Variants in RBPMS observed in about 807,000 individuals in gnomAD.
The protein encoded by RBPMS is RNA binding protein, mRNA processing factor, also known as RNA-binding protein with multiple splicing.
In RBPMS, 7 loss-of-function variants were observed where a neutral mutation model predicts 26.8. The observed-to-expected ratio is 0.26, with a 90% CI of 0.15 to 0.49. The LOEUF (loss-of-function observed/expected upper bound fraction) is 0.49, where lower values mean the gene tolerates loss of function less well. RBPMS is among the 20% of genes least tolerant of loss of function. RBPMS has a pLI of 0.98. For synonymous variants in RBPMS, 96 were observed against 93.3 expected, an observed-to-expected ratio of 1.03 and a Z score of -0.17; for missense variants, 186 against 250.0, an observed-to-expected ratio of 0.74 and a Z score of 1.73.
At chr8:30,535,625 C>A (rs753074711) in intron 5 of RBPMS, among the ~76,000 whole-genome samples, 3 of 152,164 alleles carry the variant, frequency 2.0e-5, no homozygotes, top group Non-Finnish European at 2.9e-5. Flanking sequence ...TAGGGTGTCA[C>A]TATGTTTGCC....
chr8:30,423,494 G>A (rs1236269395), intron 1 of RBPMS, among the ~76,000 whole-genome samples: 2 of 152,178 alleles, frequency 1.3e-5, no homozygotes, highest in Non-Finnish European at 2.9e-5. Context: ...TCTCTAGTAT[G>A]GGCGGGGCTT....
At chr8:30,570,362 G>T (rs1460120468) in intron 8 of RBPMS, among the ~76,000 whole-genome samples, 1 of 152,176 alleles carries the variant, frequency 6.6e-6, no homozygotes, top group East Asian at 1.9e-4. Flanking sequence ...GGCAGGAAAA[G>T]GAGTGACTGA....
intron 8 of RBPMS, among the ~76,000 whole-genome samples, chr8:30,567,758 G>A (rs540092990): frequency 2.0e-5 from 3 of 152,338 alleles, no homozygotes; most frequent in East Asian, 1.9e-4. Flanking sequence ...TTTGGGTCAC[G>A]GTCCTGGGGG....
chr8:30,559,903 AGT>A (rs1827306253), intron 7 of RBPMS, among the ~76,000 whole-genome samples: 1 of 152,194 alleles, frequency 6.6e-6, no homozygotes, highest in Non-Finnish European at 1.5e-5. Context: ...AAACTAAACT[AGT>A]GTTCTTTTCT....
At chr8:30,424,397 C>T (rs531764889) in intron 1 of RBPMS, among the ~76,000 whole-genome samples, 2 of 152,288 alleles carry the variant, frequency 1.3e-5, no homozygotes, top group South Asian at 4.1e-4. Flanking sequence ...AAGTTGCTAT[C>T]ATTGTTATAA....
chr8:30,441,175 G>T (rs1813034083), intron 1 of RBPMS, among the ~76,000 whole-genome samples: 1 of 152,118 alleles, frequency 6.6e-6, no homozygotes, highest in South Asian at 2.1e-4. Flanking sequence ...CCGTAATGAT[G>T]AAATAACTTT....
rs147965662 is a variant in RBPMS at position 30,390,355 on chromosome 8, C to T, written c.66+5197C>T. On this transcript the variant is annotated intron_variant, in intron 1 of 8. Transcript: ENST00000397323. The stretch of plus-strand genomic sequence containing the variant: ...TATTAGTATTTCTCTTACTCATTCC[C>T]TTATCTTGATTGTGTTAGTGATCTT... Among the ~76,000 whole-genome samples the T allele has an allele frequency of 3.2e-4, 48 of 152,270 alleles. 3 individuals carry two copies. The highest frequency in any genetic ancestry group is 1.1e-3 in the African/African-American group (46 of 41,540).
chr8:30,496,316 C>T (rs1207207363), intron 4 of RBPMS, among the ~76,000 whole-genome samples: 1 of 152,036 alleles, frequency 6.6e-6, no homozygotes, highest in African/African-American at 2.4e-5. Context: ...CTACAGGCGT[C>T]CGCCACCACG....
chr8:30,556,393 G>A, intron 6 of RBPMS: 2 of 985,822 alleles, frequency 2.0e-6, no homozygotes, highest in Non-Finnish European at 2.4e-6. Context: ...AGAACGTGAG[G>A]GCTGTGTGCG....
chr8:30,520,822 A>T (rs953222025), intron 5 of RBPMS, among the ~76,000 whole-genome samples: 1 of 152,112 alleles, frequency 6.6e-6, no homozygotes, highest in African/African-American at 2.4e-5. Context: ...TTAGAAAGGA[A>T]ATAGATTTTT....
intron 1 of RBPMS, among the ~76,000 whole-genome samples, chr8:30,444,142 G>A (rs1057273350): frequency 6.9e-5 from 10 of 145,046 alleles, no homozygotes; most frequent in African/African-American, 1.0e-4. Flanking sequence ...GTGATCCTCC[G>A]GCCTTGGCCT....
At chr8:30,442,629 C>T (rs1432247312) in intron 1 of RBPMS, 1 of 152,450 alleles carries the variant, frequency 6.6e-6, no homozygotes, top group Non-Finnish European at 1.5e-5. Context: ...TTGCCTTCGT[C>T]TGGCTGAGCC....
In RBPMS at chr8:30,571,562, ATGTT is replaced by A. The variant is rs1828252170; in HGVS notation, c.*1044_*1047del. The A allele has an allele frequency of 6.6e-6, 1 of 152,222 alleles. No individual in the cohort carries two copies. The highest frequency in any genetic ancestry group is 1.5e-5 in the Non-Finnish European group (1 of 68,056). 9.4% of individuals were successfully genotyped at this position (152,222 alleles called of 1,614,324 possible). A position where few individuals can be genotyped will look rare whatever the true frequency, so the allele number is the denominator to read the frequency against. The stretch of plus-strand genomic sequence containing the variant: ...AGCTCATGTCTGTATCTCCAAAGTG[ATGTT>A]TGTTTGCAAAACACCGGCTGAACTG... On this transcript the variant is annotated 3_prime_UTR_variant, in exon 9 of 9. Transcript: ENST00000397323.
Position 30,492,430 on chromosome 8 carries a change from C to T in RBPMS, c.247-11856C>T, listed in dbSNP as rs545031832. 2.6e-5 allele frequency among the ~76,000 whole-genome samples: 4 copies of T among 151,954 alleles called. No homozygotes were observed. The East Asian group carries it at 7.7e-4, about 29-fold the overall frequency. On this transcript the variant is annotated intron_variant, in intron 4 of 8. Transcript: ENST00000397323. ...TCCTTTCTTTAAAGAGCTGACACCA[C>T]GCTTGTCAACACCAGTAACCCTTTG...
intron 1 of RBPMS, among the ~76,000 whole-genome samples, chr8:30,421,847 C>T (rs1258195002): frequency 6.6e-6 from 1 of 151,702 alleles, no homozygotes; most frequent in Non-Finnish European, 1.5e-5. Context: ...CCTAGCTACT[C>T]GGGAGGCTGA....
chr8:30,510,755 T>A (rs1230929941), intron 5 of RBPMS, among the ~76,000 whole-genome samples: 1 of 152,082 alleles, frequency 6.6e-6, no homozygotes, highest in Non-Finnish European at 1.5e-5. Context: ...AAATCTTTAT[T>A]TTTTGTAGAG....
At chr8:30,554,475 T>C (rs1826673268) in intron 6 of RBPMS, among the ~76,000 whole-genome samples, 1 of 152,212 alleles carries the variant, frequency 6.6e-6, no homozygotes, top group South Asian at 2.1e-4. Context: ...TGCCCACACA[T>C]ATCAAGAAAC....
intron 1 of RBPMS, among the ~76,000 whole-genome samples, chr8:30,432,076 T>C (rs1489864293): frequency 2.0e-5 from 3 of 152,062 alleles, no homozygotes; most frequent in Non-Finnish European, 4.4e-5. Context: ...CAGTGAGCCA[T>C]GATCACGCCG....
chr8:30,419,227 C>T lies in RBPMS; in HGVS notation c.66+34069C>T, dbSNP rs568003787. Among the ~76,000 whole-genome samples the T allele has an allele frequency of 2.6e-5, 4 of 152,188 alleles. No individual in the cohort carries two copies. In the South Asian group the frequency reaches 8.3e-4, roughly 32 times the overall value. On this transcript the variant is annotated intron_variant, in intron 1 of 8. Transcript: ENST00000397323. ...TTGGGAAGCTGTGGTGGGTGGATTA[C>T]CTGAGGTTGGGTGTTCAAGACCAGC... is the stretch of plus-strand genomic sequence containing the variant.
Sources: allele counts gnomAD v4.1 joint callset (sites outside exome capture counted in the v4.1 genomes callset), GRCh38; gene constraint gnomAD v4.1.1; transcripts MANE v1.5; gene names NCBI Gene and HGNC (gene_info 2026-07-23, HGNC 2026-07-21).